CLVS1: variants seen among roughly 807,000 people sequenced by gnomAD.
The protein encoded by CLVS1 is clavesin-1.
Under a neutral mutation model 33.1 loss-of-function variants are expected in CLVS1, and 10 were observed. The ratio of observed to expected loss-of-function variants is 0.30; its 90% confidence interval spans 0.19 to 0.51. The LOEUF is 0.51. Ranked by LOEUF, CLVS1 falls within the 20% of genes least tolerant of loss-of-function variation. The pLI is 0.97. For synonymous variants in CLVS1, 163 were observed against 166.1 expected (o/e 0.98, Z 0.14); for missense variants, 343 against 433.4 (o/e 0.79, Z 1.85).
intron 3 of CLVS1, among the ~76,000 whole-genome samples, chr8:61,380,386 A>G (rs1813823485): frequency 6.6e-6 from 1 of 152,160 alleles, no homozygotes; most frequent in Non-Finnish European, 1.5e-5. Flanking sequence ...GGATCATCAG[A>G]TTTTTACATC....
intron 1 of CLVS1, 195 bp downstream of exon 1, chr8:61,288,333 C>T (rs1004458392): frequency 6.6e-6 from 3 of 451,480 alleles, no homozygotes; most frequent in African/African-American, 6.0e-5. Flanking sequence ...CCTCCCGGCG[C>T]CCGCTCAGCC....
chr8:61,478,166 A>C (rs1818028462), intron 5 of CLVS1, among the ~76,000 whole-genome samples: 1 of 152,222 alleles, frequency 6.6e-6, no homozygotes. Context: ...GTTTGATTGC[A>C]CTGTGGTCTG....
At chr8:61,021,013 C>T in the CLVS1 span, among the ~76,000 whole-genome samples, 812 of 152,316 alleles carry the variant, frequency 5.3e-3, 6 homozygotes, top group Non-Finnish European at 8.0e-3. Flanking sequence ...CTCTCCTAGC[C>T]CATGCTGCAC....
chr8:61,166,033 T>TTTTTTTTG (rs1554541688), intron 2 of CLVS1, among the ~76,000 whole-genome samples: 1 of 115,382 alleles, frequency 8.7e-6, no homozygotes, highest in Non-Finnish European at 1.7e-5. Context: ...ATCTAAGCGT[T>TTTTTTTTG]TTTTTTTTTT....
chr8:61,008,889 T>C, the CLVS1 span, among the ~76,000 whole-genome samples: 2 of 152,182 alleles, frequency 1.3e-5, no homozygotes, highest in Non-Finnish European at 2.9e-5. Context: ...AAAACTAGTA[T>C]TTTGTTTTAC....
chr8:61,248,077 C>G (rs1219399557), intron 2 of CLVS1, among the ~76,000 whole-genome samples: 1 of 152,060 alleles, frequency 6.6e-6, no homozygotes, highest in Non-Finnish European at 1.5e-5. Flanking sequence ...TCAGCTTTGT[C>G]AAAGATTGGA....
At chr8:61,159,237 A>G (rs998833654) in intron 2 of CLVS1, among the ~76,000 whole-genome samples, 8 of 152,196 alleles carry the variant, frequency 5.3e-5, no homozygotes, top group African/African-American at 1.7e-4. Context: ...GCAGAACCAC[A>G]TGTTTAGGAG....
chr8:61,195,656 G>A (rs1038587973), intron 2 of CLVS1, among the ~76,000 whole-genome samples: 5 of 151,974 alleles, frequency 3.3e-5, no homozygotes, highest in Admixed American at 1.3e-4. Flanking sequence ...GCTCCTGAAA[G>A]TTTGGAAGTA....
At chr8:61,355,862 C>T (rs1009821858) in intron 2 of CLVS1, among the ~76,000 whole-genome samples, 4 of 152,080 alleles carry the variant, frequency 2.6e-5, no homozygotes, top group African/African-American at 4.8e-5. Context: ...TGAATAGTGC[C>T]GCAATAAACA....
chr8:61,459,625 C>T (rs780815037), intron 5 of CLVS1, among the ~76,000 whole-genome samples: 11 of 152,022 alleles, frequency 7.2e-5, no homozygotes, highest in Non-Finnish European at 4.4e-5. Context: ...ACTAAAATCC[C>T]CTTCAGCCAC....
chr8:61,173,589 G>T (rs1158875533), intron 2 of CLVS1, among the ~76,000 whole-genome samples: 4 of 152,130 alleles, frequency 2.6e-5, no homozygotes, highest in Admixed American at 6.6e-5. Context: ...TTTCCATCTT[G>T]ATTTTATTGT....
intron 2 of CLVS1, chr8:61,301,168 A>C (rs1810418418): frequency 6.6e-6 from 1 of 152,238 alleles, no homozygotes; most frequent in African/African-American, 2.4e-5. Flanking sequence ...TATCGAAATA[A>C]AGTAAGGTTC....
chr8:61,103,974 T>C (rs1563403783), intron 1 of CLVS1, among the ~76,000 whole-genome samples: 1 of 152,248 alleles, frequency 6.6e-6, no homozygotes, highest in African/African-American at 2.4e-5. Flanking sequence ...CTTTTTGGTA[T>C]TCAGGGTCAT....
intron 2 of CLVS1, among the ~76,000 whole-genome samples, chr8:61,356,338 T>G (rs1198680261): frequency 6.6e-6 from 1 of 152,160 alleles, no homozygotes; most frequent in Non-Finnish European, 1.5e-5. Context: ...GAGTAGGTTG[T>G]GAAAATTTTC....
the CLVS1 span, among the ~76,000 whole-genome samples, chr8:61,016,864 G>A: frequency 2.6e-5 from 4 of 152,196 alleles, no homozygotes; most frequent in African/African-American, 9.6e-5. Context: ...TCTGGAAAGA[G>A]GGGTACTGTT....
chr8:61,273,366 G>C (rs1431731629), intron 2 of CLVS1, among the ~76,000 whole-genome samples: 1 of 152,162 alleles, frequency 6.6e-6, no homozygotes, highest in Admixed American at 6.5e-5. Context: ...CTCCAGCTGC[G>C]TGCTGGGAGA....
At chr8:61,391,246 C>T (rs538667999) in intron 3 of CLVS1, 2 of 152,110 alleles carry the variant, frequency 1.3e-5, no homozygotes, top group African/African-American at 4.8e-5. Context: ...ATGAGTAATG[C>T]GAATTTGCAG....
At chr8:61,121,843 GA>G (rs1435285519) in intron 1 of CLVS1, among the ~76,000 whole-genome samples, 3 of 152,152 alleles carry the variant, frequency 2.0e-5, no homozygotes, top group African/African-American at 7.2e-5. Flanking sequence ...AGAAATTCTC[GA>G]AAGAGTCCTA....
At chr8:61,149,917 G>A (rs16926940) in intron 2 of CLVS1, among the ~76,000 whole-genome samples, 10,355 of 152,138 alleles carry the variant, frequency 0.068, 496 homozygotes, top group East Asian at 0.13. Flanking sequence ...ATAACATCAA[G>A]CCTTATCAGC....
Sources: gnomAD v4.1 joint callset for allele counts (sites outside exome capture counted in the v4.1 genomes callset) on GRCh38, gnomAD v4.1.1 for gene constraint, MANE v1.5 for transcripts, NCBI Gene and HGNC (gene_info 2026-07-23, HGNC 2026-07-21) for gene names.